Variants in PHLDB2 observed in about 807,000 individuals in gnomAD.
PHLDB2 encodes pleckstrin homology-like domain family B member 2.
PHLDB2 carries 71 observed loss-of-function variants against 123.6 expected under a neutral mutation model. That is an observed-to-expected ratio of 0.57 (90% CI 0.47 to 0.70). The LOEUF is 0.70. Among genes scored for constraint, PHLDB2 ranks in the 30% least tolerant of loss-of-function variants. PHLDB2 has a pLI of 0.00. For synonymous variants in PHLDB2, 547 were observed against 541.6 expected (o/e 1.01, Z -0.14); for missense variants, 1,446 against 1,519.5 (o/e 0.95, Z 0.80).
chr3:111,767,104 T>C (rs2060097848), intron 1 of PHLDB2, among the ~76,000 whole-genome samples: 1 of 146,120 alleles, frequency 6.8e-6, no homozygotes, highest in African/African-American at 2.5e-5. Flanking sequence ...ATGCATTATA[T>C]CAACTGAGAA....
rs567298584 is a variant in PHLDB2, at chr3:111,930,681, A to G, written c.2002-1588A>G. Among the ~76,000 whole-genome samples the G allele has an allele frequency of 1.2e-4, 18 of 152,352 alleles. No homozygotes were observed. The South Asian group carries it at 3.7e-3, about 32-fold the overall frequency. On this transcript the variant is annotated intron_variant, in intron 5 of 17. Transcript: ENST00000431670. ...AGTATATTCAGTTTAACTATGGATT[A>G]GCACACGTGGGCATCCTTTGTTCTG...
At chr3:111,944,053 T>TA (rs1345481741) in intron 8 of PHLDB2, among the ~76,000 whole-genome samples, 2 of 152,050 alleles carry the variant, frequency 1.3e-5, no homozygotes, top group African/African-American at 4.8e-5. Context: ...TCCTCAACAA[T>TA]AAAAAACAGT....
intron 2 of PHLDB2, among the ~76,000 whole-genome samples, chr3:111,908,378 C>T (rs1013251353): frequency 6.6e-6 from 1 of 152,130 alleles, no homozygotes; most frequent in Non-Finnish European, 1.5e-5. Flanking sequence ...GTTTATTAGT[C>T]ATAATGTAGA....
chr3:111,841,373 A>C (rs921686620), intron 1 of PHLDB2, among the ~76,000 whole-genome samples: 1 of 152,196 alleles, frequency 6.6e-6, no homozygotes, highest in Non-Finnish European at 1.5e-5. Flanking sequence ...GGAATGAAAA[A>C]GGAAGAGGAA....
chr3:111,900,937 T>C (rs1006176564), intron 2 of PHLDB2, among the ~76,000 whole-genome samples: 1 of 152,060 alleles, frequency 6.6e-6, no homozygotes, highest in African/African-American at 2.4e-5. Context: ...GGTCTCTCTA[T>C]GTTGATGAGG....
chr3:111,781,948 C>T (rs1306673904), intron 1 of PHLDB2, among the ~76,000 whole-genome samples: 2 of 152,028 alleles, frequency 1.3e-5, no homozygotes, highest in Admixed American at 6.6e-5. Flanking sequence ...ACAAAACTAC[C>T]TCAGTCATAG....
chr3:111,839,601 A>G (rs2063576244), intron 1 of PHLDB2, among the ~76,000 whole-genome samples: 2 of 152,222 alleles, frequency 1.3e-5, no homozygotes, highest in South Asian at 4.1e-4. Flanking sequence ...TGGGTAAACT[A>G]TATCAACTGT....
At chr3:111,855,103 GA>G (rs1008307918), upstream of PHLDB2, among the ~76,000 whole-genome samples, 27 of 147,438 alleles carry the variant, frequency 1.8e-4, no homozygotes, top group Admixed American at 1.1e-3. Context: ...AGGGTAAAAA[GA>G]AAAAAAAAAG....
chr3:111,766,874 A>C (rs1260329141), intron 1 of PHLDB2, among the ~76,000 whole-genome samples: 2 of 152,056 alleles, frequency 1.3e-5, no homozygotes, highest in African/African-American at 4.8e-5. Context: ...CTTTACTAAA[A>C]ATACAAAATT....
chr3:111,764,924 T>A (rs143066714), intron 1 of PHLDB2, among the ~76,000 whole-genome samples: 1 of 152,298 alleles, frequency 6.6e-6, no homozygotes, highest in Non-Finnish European at 1.5e-5. Flanking sequence ...GAGTGAGAAC[T>A]TGCTAATACC....
At chr3:111,881,625 T>A (rs1424943879) in intron 1 of PHLDB2, among the ~76,000 whole-genome samples, 1 of 152,190 alleles carries the variant, frequency 6.6e-6, no homozygotes, top group African/African-American at 2.4e-5. Flanking sequence ...CATATTTTTA[T>A]GTTTGTTTAT....
In PHLDB2 at chr3:111,940,586, C is replaced by G. The variant is rs140435720; in HGVS notation, c.2338C>G (p.Gln780Glu). The G allele has an allele frequency of 5.6e-6, 9 of 1,604,590 alleles. No homozygotes were observed. The African/African-American group carries it at 1.2e-4, about 22-fold the overall frequency. ...KQANHIVQQA[Q>E]REQDHFVKEK... ...AGCCAATCACATTGTTCAGCAGGCT[C>G]AGAGAGAGCAAGATCATTTTGTGAA... Residue 780 changes from glutamine to glutamate, a missense_variant, in exon 8 of 18, where the codon CAG (glutamine) becomes GAG (glutamate). Physicochemically the swap from Gln to Glu is conservative, Grantham distance 29 (BLOSUM62 2). This residue lies in a region of PHLDB2 where 594 missense variants were observed against 646.0 expected (regional missense o/e 0.92). Coordinates refer to ENST00000431670, the MANE Select transcript of PHLDB2 (RefSeq NM_001134438.2).
intron 6 of PHLDB2, among the ~76,000 whole-genome samples, chr3:111,938,231 G>A (rs150599013): frequency 2.6e-4 from 39 of 151,868 alleles, no homozygotes; most frequent in African/African-American, 8.4e-4. Flanking sequence ...TATATTTTCA[G>A]CAAAACCCAG....
chr3:111,741,910 A>G (rs1168893815), intron 1 of PHLDB2, among the ~76,000 whole-genome samples: 1 of 152,212 alleles, frequency 6.6e-6, no homozygotes, highest in Non-Finnish European at 1.5e-5. Flanking sequence ...AATTCTTAGC[A>G]TGCTGAATTT....
upstream of PHLDB2, among the ~76,000 whole-genome samples, chr3:111,855,883 C>T (rs187760295): frequency 2.0e-4 from 30 of 152,258 alleles, no homozygotes; most frequent in Admixed American, 1.6e-3. Context: ...CCTGCTACCT[C>T]GGCTCCCAAG....
chr3:111,771,736 G>C (rs1372788569), intron 1 of PHLDB2, among the ~76,000 whole-genome samples: 2 of 152,168 alleles, frequency 1.3e-5, no homozygotes, highest in Non-Finnish European at 2.9e-5. Flanking sequence ...TACTGGATTA[G>C]AGTCTACCCT....
At chr3:111,843,326 T>C (rs2063782402) in intron 1 of PHLDB2, among the ~76,000 whole-genome samples, 1 of 152,262 alleles carries the variant, frequency 6.6e-6, no homozygotes, top group South Asian at 2.1e-4. Context: ...TTGATGTGCC[T>C]TTCCCAAATG....
At chr3:111,866,690 T>C (rs2065099622) in intron 1 of PHLDB2, among the ~76,000 whole-genome samples, 1 of 152,162 alleles carries the variant, frequency 6.6e-6, no homozygotes, top group Non-Finnish European at 1.5e-5. Flanking sequence ...ATTCTCTTGC[T>C]TGAAATTAGC....
At chr3:111,850,008 C>A (rs1409986073) in intron 2 of PHLDB2, among the ~76,000 whole-genome samples, 1 of 151,842 alleles carries the variant, frequency 6.6e-6, no homozygotes, top group African/African-American at 2.4e-5. Flanking sequence ...ACTACAGGCG[C>A]CCACCACCAC....
Sources: allele counts gnomAD v4.1 joint callset (sites outside exome capture counted in the v4.1 genomes callset), GRCh38; gene constraint gnomAD v4.1.1; regional missense constraint gnomAD v4.1.1; transcripts MANE v1.5; gene names NCBI Gene and HGNC (gene_info 2026-07-23, HGNC 2026-07-21).